PCDHA6: variants seen among roughly 807,000 people sequenced by gnomAD.
PCDHA6 encodes protocadherin alpha 6, also known as protocadherin alpha-6.
Under a neutral mutation model 60.3 loss-of-function variants are expected in PCDHA6, and 55 were observed. The ratio of observed to expected loss-of-function variants is 0.91; its 90% confidence interval spans 0.73 to 1.14. The LOEUF is 1.14. PCDHA6 is among the 50% of genes most tolerant of loss of function. The pLI is 0.00. For synonymous variants in PCDHA6, 652 were observed against 557.9 expected (o/e 1.17, Z -2.38); for missense variants, 1,327 against 1,256.5 (o/e 1.06, Z -0.85).
Position 140,968,771 on chromosome 5 carries a change from T to C in PCDHA6, c.2395-10178T>C, listed in dbSNP as rs144153196. The C allele has an allele frequency of 3.1e-6, 5 of 1,614,024 alleles. No homozygotes were observed. Among genetic ancestry groups the C allele is most frequent in the Non-Finnish European group, 4.2e-6 (5 of 1,180,044 alleles). On this transcript the variant is annotated intron_variant, in intron 1 of 3. Transcript: ENST00000529310. The stretch of plus-strand genomic sequence containing the variant: ...GGTGGTCCGAGATAATGGAGAGCCA[T>C]CACTATCAGCCTCTGTGGCCATTAC...
chr5:140,830,101 G>A lies in PCDHA6; in HGVS notation c.2010G>A (p.Val670=), dbSNP rs2150181157. 6.2e-7 allele frequency: 1 copy of A among 1,613,650 alleles called. No individual in the cohort carries two copies. Among genetic ancestry groups the A allele is most frequent in the Admixed American group, 1.7e-5 (1 of 60,004 alleles). The change falls in exon 1 of 4, where the codon GTG becomes GTA. Residue 670 remains valine, a synonymous_variant. Transcript: ENST00000529310. ...TATATVLVSL[V]ESGQAPKASS... is the part of the protein sequence containing the mutation. Reference sequence around the variant, plus strand: ...CGGCCACGGTTCTGGTGTCGCTGGTGGAGAGTGGCCAGGCTCCAAAGGCGT... The same window carrying A: ...CGGCCACGGTTCTGGTGTCGCTGGTAGAGAGTGGCCAGGCTCCAAAGGCGT...
intron 1 of PCDHA6, among the ~76,000 whole-genome samples, chr5:140,909,201 C>G (rs1379290108): frequency 6.6e-6 from 1 of 152,136 alleles, no homozygotes; most frequent in Non-Finnish European, 1.5e-5. Flanking sequence ...GACACAAAGC[C>G]GGAGAGTTGA....
intron 3 of PCDHA6, among the ~76,000 whole-genome samples, chr5:140,995,850 C>T (rs924455609): frequency 3.9e-5 from 6 of 152,080 alleles, no homozygotes; most frequent in African/African-American, 1.4e-4. Context: ...ACATTTCTAT[C>T]GTATCACTTA....
chr5:140,831,526 T>C (rs2150196018), intron 1 of PCDHA6, among the ~76,000 whole-genome samples: 1 of 114,962 alleles, frequency 8.7e-6, no homozygotes, highest in African/African-American at 4.1e-5. Context: ...CCACCTTTTT[T>C]TTTTTTTTTT....
chr5:140,895,523 C>T (rs2065044928), intron 1 of PCDHA6, among the ~76,000 whole-genome samples: 1 of 152,068 alleles, frequency 6.6e-6, no homozygotes, highest in South Asian at 2.1e-4. Flanking sequence ...TTGGTTTATT[C>T]GTTTTTCAAT....
intron 1 of PCDHA6, chr5:140,835,718 G>T (rs2150242992): frequency 1.9e-6 from 3 of 1,613,908 alleles, no homozygotes; most frequent in South Asian, 1.1e-5. Context: ...CCGTGGAGGT[G>T]GCCGACGTGA....
intron 1 of PCDHA6, among the ~76,000 whole-genome samples, chr5:140,946,631 T>TATATATTATATATATATATATATATACAC (rs57893927): frequency 7.6e-6 from 1 of 131,846 alleles, no homozygotes; most frequent in African/African-American, 3.5e-5. Flanking sequence ...TATATATATA[T>TATATATTATATATATATATATATATACAC]ACAATGGAAT....
chr5:140,929,430 A>G, intron 1 of PCDHA6: 1 of 1,490,684 alleles, frequency 6.7e-7, no homozygotes, highest in Non-Finnish European at 9.0e-7. Flanking sequence ...CATCAATTGA[A>G]CTAAACACTC....
Position 140,830,439 on chromosome 5 carries a change from T to G in PCDHA6, c.2348T>G (p.Met783Arg). 1 of 1,611,160 alleles carries G rather than the reference T, an allele frequency of 6.2e-7. No individual in the cohort carries two copies. Among genetic ancestry groups the G allele is most frequent in the Non-Finnish European group, 8.5e-7 (1 of 1,177,822 alleles). Residue 783 changes from methionine (M) to arginine (R), a missense_variant, in exon 1 of 4, where the codon ATG becomes AGG. Physicochemically the swap from Met to Arg is moderately conservative, Grantham distance 91. Coordinates refer to ENST00000529310, the MANE Select transcript of PCDHA6 (RefSeq NM_018909.4). ...AGCCTTTCACCTTGTCCTATTATGA[T>G]GGGTAAGGCGGAGAATCAGGATTTA... ...SPSLSPCPIM[M>R]GKAENQDLNE...
intron 1 of PCDHA6, among the ~76,000 whole-genome samples, chr5:140,934,086 G>C (rs540895208): frequency 1.3e-5 from 2 of 151,872 alleles, no homozygotes; most frequent in Admixed American, 1.3e-4. Context: ...TCGCTTTGTT[G>C]TATGTTTGCT....
At position 140,859,521 on chromosome 5, in the gene PCDHA6, A is replaced by T. The variant is rs187641727; in HGVS notation, c.2394+29036A>T. 138 of 194,130 alleles carry T rather than the reference A, an allele frequency of 7.1e-4. 7 individuals are homozygous for T. The highest frequency in any genetic ancestry group is 1.9e-3 in the East Asian group (11 of 5,678). 12.0% of individuals were successfully genotyped at this position (194,130 alleles called of 1,614,324 possible). A position where few individuals can be genotyped will look rare whatever the true frequency, so the allele number is the denominator to read the frequency against. On this transcript the variant is annotated intron_variant, in intron 1 of 3. Coordinates refer to ENST00000529310, the MANE Select transcript of PCDHA6 (RefSeq NM_018909.4). ...ACCTGATACCCATGATTTCATTTTTAAAAAAAATTTATTAATTCTAGTGTT... is the reference window on the plus strand; with the variant it reads ...ACCTGATACCCATGATTTCATTTTTTAAAAAAATTTATTAATTCTAGTGTT...
intron 1 of PCDHA6, among the ~76,000 whole-genome samples, chr5:140,938,848 G>T (rs1554212426): frequency 6.6e-6 from 1 of 151,980 alleles, no homozygotes; most frequent in Non-Finnish European, 1.5e-5. Flanking sequence ...ACCTGCCCAT[G>T]TACCCCTGAA....
intron 1 of PCDHA6, among the ~76,000 whole-genome samples, chr5:140,903,300 T>C (rs1368072567): frequency 6.6e-6 from 1 of 152,184 alleles, no homozygotes; most frequent in Non-Finnish European, 1.5e-5. Context: ...GGAAATTTAG[T>C]ATACAATAAA....
chr5:140,868,942 C>G (rs1238492263), intron 1 of PCDHA6: 1 of 1,256,058 alleles, frequency 8.0e-7, no homozygotes, highest in Admixed American at 2.8e-5. Context: ...TTGGTCTGAA[C>G]AGTGAGGCAC....
intron 1 of PCDHA6, among the ~76,000 whole-genome samples, chr5:140,963,206 A>C (rs988428405): frequency 2.0e-5 from 3 of 152,084 alleles, no homozygotes; most frequent in East Asian, 1.9e-4. Flanking sequence ...GAAAAAAAAA[A>C]CCTCGTGTTT....
intron 2 of PCDHA6, among the ~76,000 whole-genome samples, chr5:140,979,729 C>CA: frequency 6.6e-6 from 1 of 152,232 alleles, no homozygotes; most frequent in African/African-American, 2.4e-5. Flanking sequence ...GCCATGGGGC[C>CA]AAATAAAAGA....
At chr5:140,898,430 C>G (rs2153460461) in intron 1 of PCDHA6, among the ~76,000 whole-genome samples, 1 of 152,270 alleles carries the variant, frequency 6.6e-6, no homozygotes, top group East Asian at 1.9e-4. Flanking sequence ...TTCCCAGCAC[C>G]ATTTATTAAA....
At chr5:140,839,650 T>C (rs1297660391) in intron 1 of PCDHA6, among the ~76,000 whole-genome samples, 1 of 152,088 alleles carries the variant, frequency 6.6e-6, no homozygotes, top group African/African-American at 2.4e-5. Flanking sequence ...TCTTTACAAA[T>C]TGTTTGCTAC....
At chr5:140,905,376 C>G in intron 1 of PCDHA6, among the ~76,000 whole-genome samples, 1 of 152,174 alleles carries the variant, frequency 6.6e-6, no homozygotes, top group East Asian at 1.9e-4. Context: ...GTTCTCTGTT[C>G]TGTTTCATAG....
Sources: gnomAD v4.1 joint callset for allele counts (sites outside exome capture counted in the v4.1 genomes callset) on GRCh38, gnomAD v4.1.1 for gene constraint, MANE v1.5 for transcripts, NCBI Gene and HGNC (gene_info 2026-07-23, HGNC 2026-07-21) for gene names.